The following PCDHGB5 variants were observed in gnomAD, a reference collection of about 807,000 sequenced individuals.
The protein encoded by PCDHGB5 is protocadherin gamma subfamily B, 5.
In PCDHGB5, 48 loss-of-function variants were observed where a neutral mutation model predicts 62.9. The ratio of observed to expected loss-of-function variants is 0.76; its 90% confidence interval spans 0.61 to 0.97. The LOEUF is 0.97. Ranked by LOEUF, PCDHGB5 falls within the 50% of genes least tolerant of loss-of-function variation. The pLI is 0.00. For missense variants in PCDHGB5, 1,118 were observed against 1,198.6 expected (o/e 0.93, Z 0.99); for synonymous variants, 474 against 511.2 (o/e 0.93, Z 0.98).
At chr5:141,464,618 C>G (rs1425657373) in intron 1 of PCDHGB5, among the ~76,000 whole-genome samples, 2 of 152,092 alleles carry the variant, frequency 1.3e-5, no homozygotes, top group Non-Finnish European at 2.9e-5. Context: ...AGTATATTGT[C>G]AAGCTTTTTA....
chr5:141,402,422 T>C (rs1385083470), intron 1 of PCDHGB5, among the ~76,000 whole-genome samples: 2 of 151,998 alleles, frequency 1.3e-5, no homozygotes, highest in African/African-American at 2.4e-5. Context: ...CAGAAAAAAT[T>C]GAAGCATCAT....
At chr5:141,420,412 T>G in intron 1 of PCDHGB5, 1 of 1,225,004 alleles carries the variant, frequency 8.2e-7, no homozygotes, top group African/African-American at 1.6e-5. Flanking sequence ...TGGTTATCAT[T>G]ATTAAAACAA....
intron 1 of PCDHGB5, chr5:141,415,608 T>C (rs1391331847): frequency 6.2e-7 from 1 of 1,613,366 alleles, no homozygotes; most frequent in Non-Finnish European, 8.5e-7. Flanking sequence ...CCCCATTGGT[T>C]CCAGTGAGTT....
chr5:141,425,243 G>T (rs2096863760), intron 1 of PCDHGB5, among the ~76,000 whole-genome samples: 1 of 152,132 alleles, frequency 6.6e-6, no homozygotes, highest in Non-Finnish European at 1.5e-5. Flanking sequence ...AAATAAAAAG[G>T]ATATGAGGTA....
chr5:141,478,956 T>C (rs2099484450), intron 1 of PCDHGB5, among the ~76,000 whole-genome samples: 1 of 152,200 alleles, frequency 6.6e-6, no homozygotes. Context: ...AACTACCTCA[T>C]TCCTCCACCT....
At chr5:141,407,286 T>A (rs1409712341) in intron 1 of PCDHGB5, among the ~76,000 whole-genome samples, 1 of 152,234 alleles carries the variant, frequency 6.6e-6, no homozygotes, top group Non-Finnish European at 1.5e-5. Flanking sequence ...TTGTTACAAT[T>A]TCTGTTCTGA....
chr5:141,494,671 C>T, intron 1 of PCDHGB5, 136 bp from the exon 2 acceptor site: 1 of 1,532,340 alleles, frequency 6.5e-7, no homozygotes, highest in East Asian at 2.4e-5. Context: ...GAGATGAGTC[C>T]ACCCCTGCCC....
At chr5:141,507,611 A>G (rs2099862056) in intron 3 of PCDHGB5, among the ~76,000 whole-genome samples, 1 of 152,258 alleles carries the variant, frequency 6.6e-6, no homozygotes, top group South Asian at 2.1e-4. Flanking sequence ...AAACAGGTAT[A>G]TTTAGCTGTT....
In PCDHGB5 at chr5:141,487,046, G is replaced by A; in HGVS notation, c.2398-7761G>A. ...CAGCCTGTTTGCAGTCTCTCGATATGCTGGGGAGGTGCGGACGGCTGTTCC... is the reference window on the plus strand; with the variant it reads ...CAGCCTGTTTGCAGTCTCTCGATATACTGGGGAGGTGCGGACGGCTGTTCC... On this transcript the variant is annotated intron_variant, in intron 1 of 3. Coordinates refer to ENST00000617380, the MANE Select transcript of PCDHGB5 (RefSeq NM_018925.3). The surrounding 1 kb of genome is among the most constrained non-coding windows in gnomAD (Gnocchi z 5.0). 6.2e-7 allele frequency: 1 copy of A among 1,614,192 alleles called. No individual in the cohort carries two copies. Among genetic ancestry groups the A allele is most frequent in the Non-Finnish European group, 8.5e-7 (1 of 1,180,040 alleles).
rs771162532 is a variant in PCDHGB5, at chr5:141,491,756, C to A, written c.2398-3051C>A. On this transcript the variant is annotated intron_variant, in intron 1 of 3. Transcript: ENST00000617380. The surrounding 1 kb of genome is among the most constrained non-coding windows in gnomAD (Gnocchi z 6.9). ...CCTGGGGGCGGCACTGGAGAAGCCGCCCGTCCTCATAAGGGATTGAACTTG... is the reference window on the plus strand; with the variant it reads ...CCTGGGGGCGGCACTGGAGAAGCCGACCGTCCTCATAAGGGATTGAACTTG... The A allele has an allele frequency of 6.3e-7, 1 of 1,581,720 alleles. No individual in the cohort carries two copies. Among genetic ancestry groups the A allele is most frequent in the Middle Eastern group, 1.7e-4 (1 of 5,958 alleles).
Position 141,491,756 on chromosome 5 carries a change from C to T in PCDHGB5, c.2398-3051C>T. The T allele has an allele frequency of 1.3e-6, 2 of 1,581,720 alleles. No individual in the cohort carries two copies. Among genetic ancestry groups the T allele is most frequent in the Non-Finnish European group, 8.6e-7 (1 of 1,165,100 alleles). ...CCTGGGGGCGGCACTGGAGAAGCCG[C>T]CCGTCCTCATAAGGGATTGAACTTG... On this transcript the variant is annotated intron_variant, in intron 1 of 3. Coordinates refer to ENST00000617380, the MANE Select transcript of PCDHGB5 (RefSeq NM_018925.3). This position sits in a 1 kb window ranked among gnomAD's most constrained non-coding sequence, Gnocchi z 6.9.
intron 1 of PCDHGB5, among the ~76,000 whole-genome samples, chr5:141,444,476 C>A (rs1228271706): frequency 6.6e-6 from 1 of 152,088 alleles, no homozygotes; most frequent in Non-Finnish European, 1.5e-5. Flanking sequence ...CGGTCGCGTA[C>A]TGGATTTATA....
intron 1 of PCDHGB5, among the ~76,000 whole-genome samples, chr5:141,473,017 AGAAG>A (rs1484773075): frequency 7.0e-4 from 107 of 151,874 alleles, no homozygotes; most frequent in Middle Eastern, 3.4e-3. Flanking sequence ...AGAAAAAGAA[AGAAG>A]GAAGGAAGGA....
chr5:141,422,762 C>A (rs745320796), intron 1 of PCDHGB5: 1 of 1,613,392 alleles, frequency 6.2e-7, no homozygotes, highest in Admixed American at 1.7e-5. Context: ...AACTCCAACA[C>A]TGGTGTTCTC....
intron 1 of PCDHGB5, among the ~76,000 whole-genome samples, chr5:141,464,264 AAAAAAAAAAAAAAGC>A (rs974197911): frequency 4.0e-4 from 52 of 130,598 alleles, no homozygotes; most frequent in Non-Finnish European, 6.3e-4. Context: ...GACTCCGTCT[AAAAAAAAAAAAAAGC>A]AAAAAAAAAA....
In PCDHGB5 at chr5:141,412,148, C is replaced by T. The variant is rs183538712; in HGVS notation, c.2397+11624C>T. ...GGACTTTGGCCTCTGATACAAACTG[C>T]CTAAGAGAAGAGATTATTTATACTG... On this transcript the variant is annotated intron_variant, in intron 1 of 3. Coordinates refer to ENST00000617380, the MANE Select transcript of PCDHGB5 (RefSeq NM_018925.3). The T allele has an allele frequency of 3.1e-4, 47 of 152,220 alleles. 2 individuals carry two copies. The highest frequency in any genetic ancestry group is 1.1e-3 in the African/African-American group (45 of 41,552). The allele number at this position is 152,220 out of a possible 1,614,324, so 9.4% of individuals were successfully genotyped here.
At chr5:141,407,505 T>TTTTTTTTTTTTTTTTTTTTTTGAGACGG (rs1460306566) in intron 1 of PCDHGB5, among the ~76,000 whole-genome samples, 2 of 152,142 alleles carry the variant, frequency 1.3e-5, no homozygotes, top group African/African-American at 2.4e-5. Context: ...CTGTTTTTCT[T>TTTTTTTTTTTTTTTTTTTTTTGAGACGG]AGGCTATGTA....
intron 1 of PCDHGB5, among the ~76,000 whole-genome samples, chr5:141,451,498 C>A (rs2098717552): frequency 6.6e-6 from 1 of 152,208 alleles, no homozygotes; most frequent in South Asian, 2.1e-4. Flanking sequence ...CTCCATAGGG[C>A]AACCAGCTTC....
intron 1 of PCDHGB5, among the ~76,000 whole-genome samples, chr5:141,463,545 T>C (rs1433047951): frequency 6.8e-6 from 1 of 146,704 alleles, no homozygotes; most frequent in East Asian, 2.1e-4. Flanking sequence ...GGCTCCCGGG[T>C]TCATGCCATT....
Sources: gnomAD v4.1 joint callset for allele counts (sites outside exome capture counted in the v4.1 genomes callset) on GRCh38, gnomAD v4.1.1 for gene constraint, Gnocchi (gnomAD v3.1) non-coding constraint, MANE v1.5 for transcripts, NCBI Gene and HGNC (gene_info 2026-07-23, HGNC 2026-07-21) for gene names.